DSG4: variants seen among roughly 807,000 people sequenced by gnomAD.
DSG4 encodes desmoglein-4.
A neutral mutation model predicts 93.1 loss-of-function variants in DSG4; 87 were observed. The observed-to-expected ratio is 0.93, with a 90% CI of 0.79 to 1.12. The LOEUF (loss-of-function observed/expected upper bound fraction) is 1.12, where lower values mean the gene tolerates loss of function less well. Ranked by LOEUF, DSG4 falls within the 50% of genes most tolerant of loss-of-function variation. The pLI is 0.00. For synonymous variants in DSG4, 432 were observed against 452.9 expected (o/e 0.95, Z 0.59); for missense variants, 1,373 against 1,285.7 (o/e 1.07, Z -1.04).
At position 31,412,898 on chromosome 18, in the gene DSG4, A is replaced by G. The variant is rs1568074925; in HGVS notation, c.2426A>G (p.Glu809Gly). ...ANDCLLIYDH[E>G]GVGSPVGSIG... Reference sequence around the variant, plus strand: ...GACTGCTTGCTCATTTATGACCACGAGGGAGTCGGGTCTCCCGTAGGCTCT... The same window carrying G: ...GACTGCTTGCTCATTTATGACCACGGGGGAGTCGGGTCTCCCGTAGGCTCT... The change falls in exon 16 of 16, where the codon GAG (glutamate) becomes GGG (glycine). Residue 809 changes from glutamate (E) to glycine (G), a missense_variant. Transcript: ENST00000308128. 1 of 1,614,176 alleles carries G rather than the reference A, an allele frequency of 6.2e-7. No homozygotes were observed. Among genetic ancestry groups the G allele is most frequent in the Non-Finnish European group, 8.5e-7 (1 of 1,180,034 alleles).
At chr18:31,405,938 AG>A in intron 11 of DSG4, 138 bp from the exon 12 acceptor site, 1 of 681,176 alleles carries the variant, frequency 1.5e-6, no homozygotes, top group Non-Finnish European at 2.3e-6. Context: ...GTTAAAAAAA[AG>A]TACAAGGTGC....
In DSG4 at chr18:31,413,203, T is replaced by C. The variant is rs145159063; in HGVS notation, c.2731T>C (p.Tyr911His). The C allele has an allele frequency of 7.1e-4, 1,139 of 1,614,040 alleles. No homozygotes were observed. The highest frequency in any genetic ancestry group is 9.1e-4 in the Non-Finnish European group (1,078 of 1,180,028). The change falls in exon 16 of 16, where the codon TAC becomes CAC. Residue 911 changes from tyrosine to histidine, a missense_variant. Physicochemically the swap from Tyr to His is moderately conservative, Grantham distance 83 (BLOSUM62 2). Transcript: ENST00000308128. Reference sequence around the variant, plus strand: ...TGGGGATATTATTGTGACTGAGACTTACGGTAATGCTGATCCATGTGTGCA... The same window carrying C: ...TGGGGATATTATTGTGACTGAGACTCACGGTAATGCTGATCCATGTGTGCA... ...VHGDIIVTETYGNADPCVQPT... is the reference protein window; with the variant it reads ...VHGDIIVTETHGNADPCVQPT...
Position 31,388,381 on chromosome 18 carries a change from C to T in DSG4, c.231C>T (p.Cys77=), listed in dbSNP as rs200935383. 23 of 1,612,962 alleles carry T rather than the reference C, an allele frequency of 1.4e-5. No individual in the cohort carries two copies. The highest frequency in any genetic ancestry group is 1.2e-4 in the African/African-American group (9 of 74,856). Residue 77 remains cysteine, a synonymous_variant, in exon 4 of 16, where the codon TGC becomes TGT. Coordinates refer to ENST00000308128, the MANE Select transcript of DSG4 (RefSeq NM_177986.5). ...RNPIAKIRSD[C]ESNQKITYRI... is the part of the protein sequence containing the mutation. ...TTTTCTTATAGATTCGATCAGACTG[C>T]GAATCGAACCAGAAGATAACATACC...
intron 3 of DSG4, among the ~76,000 whole-genome samples, chr18:31,387,989 G>T (rs2072206397): frequency 6.6e-6 from 1 of 152,034 alleles, no homozygotes; most frequent in South Asian, 2.1e-4. Flanking sequence ...GCTTAGGTAG[G>T]ATACTTATTA....
chr18:31,406,891 C>T (rs1470308028), intron 12 of DSG4, among the ~76,000 whole-genome samples: 1 of 152,004 alleles, frequency 6.6e-6, no homozygotes, highest in Non-Finnish European at 1.5e-5. Context: ...GATTCTCCTG[C>T]CTCAGCCTCC....
At position 31,378,212 on chromosome 18, in the gene DSG4, C is replaced by T. The variant is rs143901918; in HGVS notation, c.48+1253C>T. ...TATTTTTAAACTTAAAAACATAAGACGAAGGGCAATATTCTGTTACAATGA... is the reference window on the plus strand; with the variant it reads ...TATTTTTAAACTTAAAAACATAAGATGAAGGGCAATATTCTGTTACAATGA... On this transcript the variant is annotated intron_variant, in intron 1 of 15. Coordinates refer to ENST00000308128, the MANE Select transcript of DSG4 (RefSeq NM_177986.5). 6.6e-3 allele frequency among the ~76,000 whole-genome samples: 1,006 copies of T among 152,124 alleles called. 5 individuals are homozygous for T. Among genetic ancestry groups the T allele is most frequent in the African/African-American group, 0.023 (972 of 41,500 alleles).
At chr18:31,394,473 A>G (rs1463365014) in intron 8 of DSG4, among the ~76,000 whole-genome samples, 2 of 152,168 alleles carry the variant, frequency 1.3e-5, no homozygotes, top group African/African-American at 4.8e-5. Context: ...ACTACTCGGG[A>G]GGCTGAGGCA....
rs760731333 is a variant in DSG4, at chr18:31,390,820, G to C, written c.682G>C (p.Glu228Gln). 1 of 1,613,322 alleles carries C rather than the reference G, an allele frequency of 6.2e-7. No individual in the cohort carries two copies. Among genetic ancestry groups the C allele is most frequent in the South Asian group, 1.1e-5 (1 of 91,032 alleles). The change falls in exon 6 of 16, where the codon GAG becomes CAG. Residue 228 changes from glutamate to glutamine, a missense_variant and splice_region_variant. Physicochemically the swap from Glu to Gln is conservative, Grantham distance 29 (BLOSUM62 2). Coordinates refer to ENST00000308128, the MANE Select transcript of DSG4 (RefSeq NM_177986.5). The part of the protein sequence containing the change: ...VCTMSSFLDR[E>Q]QHSMYNLVVR... ...CACCATGTCCAGTTTCTTGGACAGAGAGGTAAAGCCTTCTGTGAATGAACA... is the reference window on the plus strand; with the variant it reads ...CACCATGTCCAGTTTCTTGGACAGACAGGTAAAGCCTTCTGTGAATGAACA...
intron 5 of DSG4, among the ~76,000 whole-genome samples, chr18:31,390,370 T>C (rs1328096204): frequency 6.6e-6 from 1 of 152,324 alleles, no homozygotes; most frequent in Non-Finnish European, 1.5e-5. Flanking sequence ...AAAGAATCTA[T>C]TGAACTTCTT....
At position 31,376,896 on chromosome 18, in the gene DSG4, A is replaced by G. The variant is rs200979438; in HGVS notation, c.-16A>G. 1,043 of 1,612,820 alleles carry G rather than the reference A, an allele frequency of 6.5e-4. 3 individuals are homozygous for G. The highest frequency in any genetic ancestry group is 8.5e-4 in the Non-Finnish European group (1,000 of 1,179,130). ...TTGAATCTCACAGGATTTGCGTGCA[A>G]GAGAAACCCAAAGGAATGGATTGGC... is the stretch of plus-strand genomic sequence containing the variant. On this transcript the variant is annotated 5_prime_UTR_variant, in exon 1 of 16. Transcript: ENST00000308128.
chr18:31,393,041 TA>T (rs772460296), intron 8 of DSG4, among the ~76,000 whole-genome samples: 52 of 152,274 alleles, frequency 3.4e-4, no homozygotes, highest in Non-Finnish European at 6.2e-4. Context: ...CAGACAATGA[TA>T]AAACTGAAAA....
At chr18:31,411,484 A>G in intron 15 of DSG4, 36 bp downstream of exon 15, 1 of 1,603,722 alleles carries the variant, frequency 6.2e-7, no homozygotes, top group Non-Finnish European at 8.5e-7. Context: ...AATCGTCTTG[A>G]GATTGAATAA....
In DSG4 at chr18:31,399,311, A is replaced by G. The variant is rs2144195046; in HGVS notation, c.1045A>G (p.Ile349Val). ...ACAAGCACCTAACATTCAGCTTAGT[A>G]TCGGAGTTAAAAACCAAGCTGATTT... The part of the protein sequence containing the change: ...YEQAPNIQLS[I>V]GVKNQADFHY... The change falls in exon 9 of 16, where the codon ATC becomes GTC. Residue 349 changes from isoleucine to valine, a missense_variant. Physicochemically the swap from Ile to Val is conservative, Grantham distance 29. Transcript: ENST00000308128. The G allele has an allele frequency of 6.2e-7, 1 of 1,614,098 alleles. No homozygotes were observed. Among genetic ancestry groups the G allele is most frequent in the East Asian group, 2.2e-5 (1 of 44,876 alleles).
At chr18:31,400,309 G>A (rs1363389989) in intron 9 of DSG4, among the ~76,000 whole-genome samples, 1 of 152,188 alleles carries the variant, frequency 6.6e-6, no homozygotes, top group Non-Finnish European at 1.5e-5. Context: ...GCCAGGATGG[G>A]TGGAGGTAAA....
Position 31,413,839 on chromosome 18 carries a change from A to T in DSG4, c.*244A>T. On this transcript the variant is annotated 3_prime_UTR_variant, in exon 16 of 16. Coordinates refer to ENST00000308128, the MANE Select transcript of DSG4 (RefSeq NM_177986.5). ...AAAAAATGTGCAGAAAATGTATTGCATCCCTTGATACTGTCTAACGAATAG... is the reference window on the plus strand; with the variant it reads ...AAAAAATGTGCAGAAAATGTATTGCTTCCCTTGATACTGTCTAACGAATAG... 2 of 477,732 alleles carry T rather than the reference A, an allele frequency of 4.2e-6. 1 individual carries two copies. Among genetic ancestry groups the T allele is most frequent in the South Asian group, 4.2e-5 (2 of 48,114 alleles). 29.6% of individuals were successfully genotyped at this position (477,732 alleles called of 1,614,324 possible). A position where few individuals can be genotyped will look rare whatever the true frequency, so the allele number is the denominator to read the frequency against.
At chr18:31,399,645 T>G (rs1232889007) in intron 9 of DSG4, 102 bp downstream of exon 9, 1 of 1,478,586 alleles carries the variant, frequency 6.8e-7, no homozygotes, top group Non-Finnish European at 9.4e-7. Flanking sequence ...AGGGCTTTTT[T>G]GCTTTTATTA....
Position 31,409,482 on chromosome 18 carries a change from G to T in DSG4, c.1964G>T (p.Cys655Phe), listed in dbSNP as rs536349543. 1.2e-6 allele frequency: 2 copies of T among 1,614,194 alleles called. No homozygotes were observed. The highest frequency in any genetic ancestry group is 2.2e-5 in the South Asian group (2 of 91,084). The change falls in exon 13 of 16, where the codon TGC becomes TTC. Residue 655 changes from cysteine to phenylalanine, a missense_variant. Coordinates refer to ENST00000308128, the MANE Select transcript of DSG4 (RefSeq NM_177986.5). Reference protein sequence around the residue: ...LAPLLLLLCCCKQRQPEGLGT... With the variant: ...LAPLLLLLCCFKQRQPEGLGT... ...CCACTCTTGCTGCTCCTGTGTTGCT[G>T]CAAACAGAGACAGCCAGAAGGCCTG...
rs753753676 is a variant in DSG4 at position 31,399,534 on chromosome 18, C to T, written c.1268C>T (p.Thr423Ile). The T allele has an allele frequency of 5.6e-6, 9 of 1,613,856 alleles. No individual in the cohort carries two copies. In the African/African-American group the frequency reaches 1.2e-4, roughly 22 times the overall value. ...GATTTGGACACAGGAAACCCTGCAACAGATGTCAGGTACTGCAACTATTTT... is the reference window on the plus strand; with the variant it reads ...GATTTGGACACAGGAAACCCTGCAATAGATGTCAGGTACTGCAACTATTTT... ...AIDLDTGNPA[T>I]DVRYIIGHDA... The change falls in exon 9 of 16, where the codon ACA (threonine) becomes ATA (isoleucine). Residue 423 changes from threonine (T) to isoleucine (I), a missense_variant. Thr to Ile is a moderately conservative substitution (Grantham distance 89). Coordinates refer to ENST00000308128, the MANE Select transcript of DSG4 (RefSeq NM_177986.5).
At chr18:31,383,376 T>G (rs1003476381) in intron 1 of DSG4, among the ~76,000 whole-genome samples, 3 of 152,202 alleles carry the variant, frequency 2.0e-5, no homozygotes, top group African/African-American at 7.2e-5. Context: ...AATGTACACT[T>G]GATATCGGCT....
Sources: allele counts gnomAD v4.1 joint callset (sites outside exome capture counted in the v4.1 genomes callset), GRCh38; gene constraint gnomAD v4.1.1; transcripts MANE v1.5; gene names NCBI Gene and HGNC (gene_info 2026-07-23, HGNC 2026-07-21).